NRXN1: variants seen among roughly 807,000 people sequenced by gnomAD.
NRXN1 encodes the protein neurexin 1, also known as neurexin-1.
Under a neutral mutation model 150.9 loss-of-function variants are expected in NRXN1, and 39 were observed. That is an observed-to-expected ratio of 0.26 (90% CI 0.20 to 0.34). NRXN1 has a LOEUF of 0.34. Ranked by LOEUF, NRXN1 falls within the 10% of genes least tolerant of loss-of-function variation. The pLI is 1.00. For missense variants in NRXN1, 1,815 were observed against 1,949.9 expected, an observed-to-expected ratio of 0.93 and a Z score of 1.30; for synonymous variants, 924 against 757.0, an observed-to-expected ratio of 1.22 and a Z score of -3.62.
chr2:50,029,287 T>C (rs533704962), intron 21 of NRXN1, among the ~76,000 whole-genome samples: 1 of 152,298 alleles, frequency 6.6e-6, no homozygotes, highest in Non-Finnish European at 1.5e-5. Context: ...TAAATGTATG[T>C]TGTTTAGAAG....
intron 19 of NRXN1, among the ~76,000 whole-genome samples, chr2:50,055,637 C>T (rs1451042724): frequency 6.6e-6 from 1 of 152,162 alleles, no homozygotes; most frequent in Non-Finnish European, 1.5e-5. Context: ...TTATCAATCA[C>T]TTGGACATCA....
At chr2:50,722,138 G>T (rs1696743163) in intron 5 of NRXN1, among the ~76,000 whole-genome samples, 1 of 151,898 alleles carries the variant, frequency 6.6e-6, no homozygotes, top group South Asian at 2.1e-4. Context: ...CCCAATCTTT[G>T]CTATTCTTCA....
At chr2:50,829,460 T>C (rs1671071888) in intron 5 of NRXN1, 25 of 1,554,258 alleles carry the variant, frequency 1.6e-5, no homozygotes, top group Non-Finnish European at 2.1e-5. Context: ...TGATGTAGCC[T>C]GACAGCAGGA....
At chr2:50,373,113 AG>A (rs1169566495) in intron 17 of NRXN1, among the ~76,000 whole-genome samples, 1 of 151,904 alleles carries the variant, frequency 6.6e-6, no homozygotes, top group African/African-American at 2.4e-5. Flanking sequence ...CATCTCAACA[AG>A]TATGAGTGTA....
At chr2:50,808,932 T>C (rs915740784) in intron 5 of NRXN1, among the ~76,000 whole-genome samples, 1 of 152,162 alleles carries the variant, frequency 6.6e-6, no homozygotes, top group Non-Finnish European at 1.5e-5. Flanking sequence ...TCCTGACTCA[T>C]AAAATTTCCT....
intron 17 of NRXN1, among the ~76,000 whole-genome samples, chr2:50,449,453 T>C (rs1362887222): frequency 1.3e-5 from 2 of 152,218 alleles, no homozygotes; most frequent in Admixed American, 6.5e-5. Context: ...TACATGCTTC[T>C]ATTAGAGCAG....
intron 18 of NRXN1, among the ~76,000 whole-genome samples, chr2:50,175,864 A>G (rs1295290117): frequency 6.6e-6 from 1 of 152,122 alleles, no homozygotes; most frequent in African/African-American, 2.4e-5. Context: ...TTCTCATATT[A>G]TGTGCTTCAG....
intron 5 of NRXN1, among the ~76,000 whole-genome samples, chr2:50,876,742 C>T (rs980473406): frequency 1.3e-5 from 2 of 151,728 alleles, no homozygotes; most frequent in African/African-American, 2.4e-5. Flanking sequence ...GCCTACCGTT[C>T]GGCTCTTTAT....
Position 50,683,646 on chromosome 2 carries a change from A to AAAAAAAAAAAAAAATATAT in NRXN1, c.833-60032_833-60031insATATATTTTTTTTTTTTTT. ...GACTCCGTCTCAAAAAAAAAAAAAAAATATATATATATATATATATGTTAT... is the reference window on the plus strand; with the variant it reads ...GACTCCGTCTCAAAAAAAAAAAAAAAAAAAAAAAAAAAAATATATATATATATATATATATATATGTTAT... On this transcript the variant is annotated intron_variant, in intron 5 of 22. Transcript: ENST00000401669. Among the ~76,000 whole-genome samples the AAAAAAAAAAAAAAATATAT allele has an allele frequency of 1.5e-3, 23 of 14,902 alleles. 1 individual carries two copies. The highest frequency in any genetic ancestry group is 4.0e-3 in the African/African-American group (11 of 2,780). The allele number at this position is 14,902 out of a possible 152,430, so 9.8% of individuals were successfully genotyped here.
intron 5 of NRXN1, among the ~76,000 whole-genome samples, chr2:50,793,455 G>A (rs1035735600): frequency 2.0e-5 from 3 of 151,956 alleles, no homozygotes; most frequent in East Asian, 3.9e-4. Context: ...GTAACGTTCC[G>A]CTTAACCTTC....
At chr2:50,734,576 G>T (rs1698486579) in intron 5 of NRXN1, among the ~76,000 whole-genome samples, 1 of 152,052 alleles carries the variant, frequency 6.6e-6, no homozygotes, top group African/African-American at 2.4e-5. Context: ...GTGAGAACAA[G>T]CACCTGGCTC....
intron 5 of NRXN1, among the ~76,000 whole-genome samples, chr2:50,694,693 T>C (rs1692565192): frequency 6.6e-6 from 1 of 152,162 alleles, no homozygotes; most frequent in African/African-American, 2.4e-5. Flanking sequence ...TTGATTTGAT[T>C]ATGAGTAGGT....
chr2:50,278,620 C>T (rs1263719352), intron 17 of NRXN1, among the ~76,000 whole-genome samples: 1 of 151,790 alleles, frequency 6.6e-6, no homozygotes, highest in East Asian at 1.9e-4. Context: ...CTTACTAAAG[C>T]ATGGTGGAAC....
chr2:50,347,459 A>G lies in NRXN1; in HGVS notation c.3365-110489T>C. The G allele has an allele frequency of 9.0e-7, 1 of 1,115,736 alleles. No individual in the cohort carries two copies. Among genetic ancestry groups the G allele is most frequent in the East Asian group, 9.9e-5 (1 of 10,128 alleles). The allele number at this position is 1,115,736 out of a possible 1,614,324, so 69.1% of individuals were successfully genotyped here. A position where few individuals can be genotyped will look rare whatever the true frequency, so the allele number is the denominator to read the frequency against. ...TTCGCCGGCCCAACCTCCTTTCAAG[A>G]CAGAAGCAGACCCCATGGAATCCAG... On this transcript the variant is annotated intron_variant, in intron 17 of 22. Coordinates refer to ENST00000401669, the MANE Select transcript of NRXN1 (RefSeq NM_001330078.2). The surrounding 1 kb of genome is among the most constrained non-coding windows in gnomAD (Gnocchi z 4.9).
chr2:50,126,958 G>T (rs1327736759), intron 18 of NRXN1, among the ~76,000 whole-genome samples: 1 of 152,034 alleles, frequency 6.6e-6, no homozygotes, highest in Admixed American at 6.6e-5. Flanking sequence ...AATAAACCTG[G>T]AGCTTTCACA....
intron 8 of NRXN1, among the ~76,000 whole-genome samples, chr2:50,608,621 A>G (rs1573768960): frequency 6.8e-6 from 1 of 147,666 alleles, no homozygotes; most frequent in African/African-American, 2.7e-5. Context: ...ATAATTATTA[A>G]ATAATAACTA....
At chr2:50,702,763 T>A (rs1286147157) in intron 5 of NRXN1, among the ~76,000 whole-genome samples, 1 of 152,164 alleles carries the variant, frequency 6.6e-6, no homozygotes, top group Non-Finnish European at 1.5e-5. Flanking sequence ...TTTTGCTTTT[T>A]TGTCTGGACA....
intron 5 of NRXN1, among the ~76,000 whole-genome samples, chr2:50,896,208 A>G (rs968079124): frequency 1.3e-5 from 2 of 152,086 alleles, no homozygotes; most frequent in Non-Finnish European, 2.9e-5. Context: ...CCCAAGTATC[A>G]CTCAACGCTA....
At chr2:50,839,616 T>G (rs1230983947) in intron 5 of NRXN1, among the ~76,000 whole-genome samples, 1 of 152,160 alleles carries the variant, frequency 6.6e-6, no homozygotes, top group Non-Finnish European at 1.5e-5. Flanking sequence ...ACAAAGTTGG[T>G]GTTCCATAAA....
Sources: allele counts gnomAD v4.1 joint callset (sites outside exome capture counted in the v4.1 genomes callset), GRCh38; gene constraint gnomAD v4.1.1; non-coding constraint Gnocchi (gnomAD v3.1); transcripts MANE v1.5; gene names NCBI Gene and HGNC (gene_info 2026-07-23, HGNC 2026-07-21).